The following CYSLTR2 variants were observed in gnomAD, a reference collection of about 807,000 sequenced individuals.
The protein encoded by CYSLTR2 is G-protein coupled receptor GPCR21.
For missense variants in CYSLTR2, 398 were observed against 411.9 expected, an observed-to-expected ratio of 0.97 and a Z score of 0.29; for synonymous variants, 179 against 160.8, an observed-to-expected ratio of 1.11 and a Z score of -0.86.
intron 4 of CYSLTR2, among the ~76,000 whole-genome samples, chr13:48,698,051 T>C (rs191938380): frequency 2.6e-5 from 4 of 152,354 alleles, no homozygotes; most frequent in African/African-American, 9.6e-5. Context: ...CTGATTGGTG[T>C]ACCTGCAAGT....
chr13:48,658,839 A>G (rs1374744160), intron 1 of CYSLTR2, among the ~76,000 whole-genome samples: 2 of 152,136 alleles, frequency 1.3e-5, no homozygotes, highest in Non-Finnish European at 2.9e-5. Flanking sequence ...GATCAATACT[A>G]TGAAAAGCCT....
intron 1 of CYSLTR2, among the ~76,000 whole-genome samples, chr13:48,685,476 C>T (rs1222624080): frequency 6.6e-6 from 1 of 152,154 alleles, no homozygotes. Context: ...AGACTTCTGG[C>T]CTCCAGAACT....
intron 3 of CYSLTR2, chr13:48,694,594 T>C (rs1954119387): frequency 6.6e-6 from 1 of 152,226 alleles, no homozygotes; most frequent in Non-Finnish European, 1.5e-5. Flanking sequence ...GCATCATTAC[T>C]GAGTCAAGGG....
At chr13:48,685,740 A>G (rs534182761) in intron 1 of CYSLTR2, among the ~76,000 whole-genome samples, 1 of 152,178 alleles carries the variant, frequency 6.6e-6, no homozygotes, top group Non-Finnish European at 1.5e-5. Context: ...TATATTCTAG[A>G]TAAATGACAT....
intron 1 of CYSLTR2, among the ~76,000 whole-genome samples, chr13:48,675,787 G>A (rs762573525): frequency 3.9e-5 from 6 of 152,108 alleles, no homozygotes; most frequent in East Asian, 1.9e-4. Context: ...ATAGGCACCC[G>A]AGGGATTCTC....
intron 4 of CYSLTR2, among the ~76,000 whole-genome samples, chr13:48,699,851 A>C (rs952571784): frequency 6.6e-6 from 1 of 152,120 alleles, no homozygotes; most frequent in East Asian, 1.9e-4. Flanking sequence ...CCACTGATCC[A>C]ACAGAAATAC....
intron 1 of CYSLTR2, among the ~76,000 whole-genome samples, chr13:48,668,569 TG>T (rs1419525758): frequency 6.6e-6 from 1 of 152,146 alleles, no homozygotes; most frequent in Admixed American, 6.6e-5. Flanking sequence ...GATATGGGGT[TG>T]GGGGGCATCA....
chr13:48,692,197 T>C (rs938197091), intron 2 of CYSLTR2, among the ~76,000 whole-genome samples: 1 of 152,048 alleles, frequency 6.6e-6, no homozygotes, highest in African/African-American at 2.4e-5. Flanking sequence ...AAAAAATTGC[T>C]ATGTGTTAGC....
intron 1 of CYSLTR2, among the ~76,000 whole-genome samples, chr13:48,672,997 C>T (rs1210574327): frequency 6.6e-6 from 1 of 152,114 alleles, no homozygotes; most frequent in Non-Finnish European, 1.5e-5. Flanking sequence ...TGTTCTTTTG[C>T]ATTTGCTGAG....
chr13:48,697,659 G>C (rs779959513), intron 4 of CYSLTR2, among the ~76,000 whole-genome samples: 1 of 152,226 alleles, frequency 6.6e-6, no homozygotes, highest in Non-Finnish European at 1.5e-5. Flanking sequence ...GCTGGACGGA[G>C]AATGACTTTG....
At chr13:48,700,349 G>T (rs1334225776) in intron 4 of CYSLTR2, among the ~76,000 whole-genome samples, 1 of 152,206 alleles carries the variant, frequency 6.6e-6, no homozygotes, top group East Asian at 1.9e-4. Context: ...TCCCTGGGAT[G>T]CAAGGCTGGT....
chr13:48,675,964 C>T (rs553067156), intron 1 of CYSLTR2, among the ~76,000 whole-genome samples: 1 of 152,230 alleles, frequency 6.6e-6, no homozygotes, highest in Non-Finnish European at 1.5e-5. Context: ...CTGCTCACCC[C>T]CCATGGGCTG....
intron 1 of CYSLTR2, among the ~76,000 whole-genome samples, chr13:48,685,092 G>A (rs1446562155): frequency 6.6e-6 from 1 of 152,122 alleles, no homozygotes; most frequent in Non-Finnish European, 1.5e-5. Flanking sequence ...AAATAAAAGA[G>A]GTTTAATTGG....
chr13:48,674,143 T>C (rs2138864865), intron 1 of CYSLTR2, among the ~76,000 whole-genome samples: 1 of 152,310 alleles, frequency 6.6e-6, no homozygotes, highest in South Asian at 2.1e-4. Context: ...GTGTTCTCTG[T>C]ATTTCCTGAA....
intron 1 of CYSLTR2, among the ~76,000 whole-genome samples, chr13:48,690,680 A>G (rs1177815773): frequency 6.6e-6 from 1 of 152,100 alleles, no homozygotes; most frequent in African/African-American, 2.4e-5. Flanking sequence ...GGATTTTTAC[A>G]TTGATGTTCA....
intron 1 of CYSLTR2, among the ~76,000 whole-genome samples, chr13:48,683,276 C>G (rs1388592335): frequency 6.6e-6 from 1 of 152,198 alleles, no homozygotes; most frequent in East Asian, 1.9e-4. Context: ...AATGGTAGTT[C>G]TGTTTTTAGC....
intron 1 of CYSLTR2, among the ~76,000 whole-genome samples, chr13:48,687,028 G>C (rs1274040541): frequency 6.6e-6 from 1 of 152,150 alleles, no homozygotes; most frequent in Non-Finnish European, 1.5e-5. Context: ...GGCCAGAATA[G>C]AGCAAAAAAT....
chr13:48,655,725 C>A (rs900821847), intron 1 of CYSLTR2, among the ~76,000 whole-genome samples: 1 of 152,172 alleles, frequency 6.6e-6, no homozygotes, highest in Non-Finnish European at 1.5e-5. Context: ...GATCCACATA[C>A]TAGCCTTAAG....
chr13:48,672,920 G>A (rs1458993984), intron 1 of CYSLTR2, among the ~76,000 whole-genome samples: 2 of 152,154 alleles, frequency 1.3e-5, no homozygotes, highest in Admixed American at 1.3e-4. Context: ...CTGGCCTGGA[G>A]TGAGTTTCTC....
Sources: allele counts gnomAD v4.1 joint callset (sites outside exome capture counted in the v4.1 genomes callset), GRCh38; gene constraint gnomAD v4.1.1; transcripts MANE v1.5; gene names NCBI Gene and HGNC (gene_info 2026-07-23, HGNC 2026-07-21).